The following ZFAND3 variants were observed in gnomAD, a reference collection of about 807,000 sequenced individuals.
The protein encoded by ZFAND3 is AN1-type zinc finger protein 3.
ZFAND3 carries 10 observed loss-of-function variants against 29.6 expected under a neutral mutation model. The ratio of observed to expected loss-of-function variants is 0.34; its 90% CI spans 0.21 to 0.57. The LOEUF is 0.57. Ranked by LOEUF, ZFAND3 falls within the 20% of genes least tolerant of loss-of-function variation. The pLI is 0.86. For synonymous variants in ZFAND3, 128 were observed against 112.6 expected (o/e 1.14, Z -0.87); for missense variants, 230 against 304.5 (o/e 0.76, Z 1.82).
chr6:37,966,427 C>T (rs1002980379), intron 2 of ZFAND3, among the ~76,000 whole-genome samples: 3 of 152,180 alleles, frequency 2.0e-5, no homozygotes, highest in Admixed American at 1.3e-4. Flanking sequence ...TCACTTAATT[C>T]TCACCACAGG....
intron 2 of ZFAND3, among the ~76,000 whole-genome samples, chr6:37,971,831 GAAAAAAA>G (rs5875604): frequency 5.9e-5 from 7 of 117,896 alleles, no homozygotes; most frequent in Admixed American, 3.5e-4. Flanking sequence ...TGTACAAAAT[GAAAAAAA>G]AAAAAAAAAA....
At chr6:38,056,913 G>A (rs1343267481) in intron 2 of ZFAND3, among the ~76,000 whole-genome samples, 3 of 152,120 alleles carry the variant, frequency 2.0e-5, no homozygotes, top group East Asian at 3.8e-4. Context: ...AAGTGCAAAC[G>A]TTTTTAAATT....
chr6:38,058,928 A>G (rs988691659), intron 2 of ZFAND3, among the ~76,000 whole-genome samples: 1 of 152,178 alleles, frequency 6.6e-6, no homozygotes, highest in Non-Finnish European at 1.5e-5. Context: ...AGCTATTCTT[A>G]CGCTGAGAAT....
At chr6:38,020,107 A>G (rs558136861) in intron 2 of ZFAND3, among the ~76,000 whole-genome samples, 3 of 152,336 alleles carry the variant, frequency 2.0e-5, no homozygotes, top group South Asian at 2.1e-4. Flanking sequence ...ATCCAGGCAC[A>G]TGGGCAAATC....
At chr6:38,130,679 A>C (rs1270501611) in intron 5 of ZFAND3, among the ~76,000 whole-genome samples, 1 of 152,134 alleles carries the variant, frequency 6.6e-6, no homozygotes, top group Non-Finnish European at 1.5e-5. Context: ...ATCATGGTGG[A>C]TTATCTTTTT....
chr6:38,147,604 A>C (rs959169375), intron 5 of ZFAND3, among the ~76,000 whole-genome samples: 1 of 152,228 alleles, frequency 6.6e-6, no homozygotes, highest in Non-Finnish European at 1.5e-5. Flanking sequence ...TCCCACCAAC[A>C]GTGGGAGTCC....
intron 2 of ZFAND3, among the ~76,000 whole-genome samples, chr6:38,030,076 A>G (rs1475168965): frequency 1.5e-4 from 8 of 52,664 alleles, no homozygotes; most frequent in African/African-American, 4.3e-4. Flanking sequence ...ATATATATAT[A>G]TATATATATA....
intron 5 of ZFAND3, among the ~76,000 whole-genome samples, chr6:38,122,332 G>C (rs1038635754): frequency 1.3e-5 from 2 of 152,190 alleles, no homozygotes; most frequent in African/African-American, 4.8e-5. Flanking sequence ...GTTACATGCT[G>C]TGTTGTTTAG....
chr6:38,054,515 A>G (rs1764096242), intron 2 of ZFAND3, among the ~76,000 whole-genome samples: 1 of 151,940 alleles, frequency 6.6e-6, no homozygotes, highest in Non-Finnish European at 1.5e-5. Flanking sequence ...AATTTTTGAA[A>G]GAGAAAAAAA....
intron 2 of ZFAND3, among the ~76,000 whole-genome samples, chr6:37,980,483 T>G (rs6458037): frequency 0.08 from 12,245 of 152,212 alleles, 582 homozygotes; most frequent in African/African-American, 0.14. Flanking sequence ...TTCTGAATTG[T>G]ATCACTTGAT....
At chr6:37,969,953 C>T (rs1762358087) in intron 2 of ZFAND3, among the ~76,000 whole-genome samples, 1 of 151,910 alleles carries the variant, frequency 6.6e-6, no homozygotes, top group African/African-American at 2.4e-5. Flanking sequence ...CGCCAGTGAC[C>T]TCAGGAGTTT....
chr6:38,148,045 A>G (rs932825781), intron 5 of ZFAND3, among the ~76,000 whole-genome samples: 4 of 152,186 alleles, frequency 2.6e-5, no homozygotes, highest in East Asian at 1.9e-4. Flanking sequence ...ATCAATGTCC[A>G]TAAGAGTTTT....
chr6:38,059,477 A>G (rs553047336), intron 2 of ZFAND3, among the ~76,000 whole-genome samples: 2 of 152,296 alleles, frequency 1.3e-5, no homozygotes, highest in Admixed American at 6.5e-5. Context: ...GTTAATGGAC[A>G]TTACCTGTCT....
chr6:38,132,676 G>A (rs1308863262), intron 5 of ZFAND3, among the ~76,000 whole-genome samples: 2 of 152,144 alleles, frequency 1.3e-5, no homozygotes, highest in Admixed American at 6.5e-5. Context: ...CTAAACTGAC[G>A]CTGCATAAAC....
intron 1 of ZFAND3, among the ~76,000 whole-genome samples, chr6:37,856,826 A>ATTTTTT (rs1168827663): frequency 5.9e-5 from 9 of 151,768 alleles, no homozygotes; most frequent in Non-Finnish European, 1.0e-4. Context: ...TTTTATTTTT[A>ATTTTTT]TTTTTTTTGA....
chr6:37,985,797 T>A (rs531836683), intron 2 of ZFAND3, among the ~76,000 whole-genome samples: 2 of 152,314 alleles, frequency 1.3e-5, no homozygotes, highest in East Asian at 3.9e-4. Context: ...TAAAGGAGAA[T>A]TAAGTTAGAA....
chr6:37,887,142 T>C (rs1765009996), intron 1 of ZFAND3, among the ~76,000 whole-genome samples: 1 of 152,232 alleles, frequency 6.6e-6, no homozygotes, highest in African/African-American at 2.4e-5. Context: ...TGTGATATAA[T>C]GAATAAAAGC....
chr6:37,969,915 TATTAA>T (rs1410748400), intron 2 of ZFAND3, among the ~76,000 whole-genome samples: 1 of 152,152 alleles, frequency 6.6e-6, no homozygotes, highest in East Asian at 1.9e-4. Flanking sequence ...CCCTTGTGGT[TATTAA>T]ATTAATTTAG....
chr6:37,942,308 C>T (rs1761825839), intron 2 of ZFAND3, among the ~76,000 whole-genome samples: 1 of 151,656 alleles, frequency 6.6e-6, no homozygotes. Context: ...AAGTTTACCT[C>T]CATAAAATGT....
Sources: gnomAD v4.1 joint callset for allele counts (sites outside exome capture counted in the v4.1 genomes callset) on GRCh38, gnomAD v4.1.1 for gene constraint, MANE v1.5 for transcripts, NCBI Gene and HGNC (gene_info 2026-07-23, HGNC 2026-07-21) for gene names.